CYP46A1: variants seen among roughly 807,000 people sequenced by gnomAD.
The protein encoded by CYP46A1 is cholesterol 24-hydroxylase.
Under a neutral mutation model 63.3 loss-of-function variants are expected in CYP46A1, and 20 were observed. The observed-to-expected ratio is 0.32, with a 90% CI of 0.22 to 0.46. The LOEUF (loss-of-function observed/expected upper bound fraction) is 0.46. Ranked by LOEUF, CYP46A1 falls within the 20% of genes least tolerant of loss-of-function variation. CYP46A1 has a pLI of 1.00. For synonymous variants in CYP46A1, 268 were observed against 273.6 expected, an observed-to-expected ratio of 0.98 and a Z score of 0.20; for missense variants, 445 against 670.8, an observed-to-expected ratio of 0.66 and a Z score of 3.72.
intron 14 of CYP46A1, 92 bp downstream of exon 14, chr14:99,726,348 G>GCT (rs2140145760): frequency 3.1e-6 from 4 of 1,301,776 alleles, no homozygotes; most frequent in Non-Finnish European, 1.1e-6. Flanking sequence ...CCCCTGCTCT[G>GCT]GGGCTGCTGG....
chr14:99,704,036 C>G (rs563857687), intron 5 of CYP46A1, among the ~76,000 whole-genome samples: 1 of 152,310 alleles, frequency 6.6e-6, no homozygotes, highest in East Asian at 1.9e-4. Context: ...CCCACATGAT[C>G]ATGACATAAC....
intron 1 of CYP46A1, among the ~76,000 whole-genome samples, chr14:99,687,997 T>G (rs747689789): frequency 6.6e-6 from 1 of 151,844 alleles, no homozygotes; most frequent in Admixed American, 6.6e-5. Flanking sequence ...TTTTTCCCCT[T>G]TCTTGGTGGG....
chr14:99,695,986 T>C (rs2056584441), intron 3 of CYP46A1, among the ~76,000 whole-genome samples: 1 of 152,176 alleles, frequency 6.6e-6, no homozygotes, highest in South Asian at 2.1e-4. Flanking sequence ...TTCTGTTATA[T>C]TACTTTTAAC....
At chr14:99,687,851 C>T (rs551101452) in intron 1 of CYP46A1, among the ~76,000 whole-genome samples, 1 of 152,290 alleles carries the variant, frequency 6.6e-6, no homozygotes, top group South Asian at 2.1e-4. Context: ...GGGCTTCTGC[C>T]TGCCGGGGCG....
In CYP46A1 at chr14:99,700,021, C is replaced by T. The variant is rs780187016; in HGVS notation, c.363C>T (p.Phe121=). Residue 121 remains phenylalanine, a synonymous_variant, in exon 5 of 15, where the codon TTC becomes TTT. Coordinates refer to ENST00000261835, the MANE Select transcript of CYP46A1 (RefSeq NM_006668.2). ...ACGTGTGTGTCTCCTACAGACTCTTCGGCCAAGGCTTGGTGTCCGAATGCA... is the reference window on the plus strand; with the variant it reads ...ACGTGTGTGTCTCCTACAGACTCTTTGGCCAAGGCTTGGTGTCCGAATGCA... ...ALQTVFGERL[F]GQGLVSECNY... is the part of the protein sequence containing the mutation. 42 of 1,486,628 alleles carry T rather than the reference C, an allele frequency of 2.8e-5. No homozygotes were observed. The highest frequency in any genetic ancestry group is 5.6e-5 in the South Asian group (5 of 88,592). 92.1% of individuals were successfully genotyped at this position (1,486,628 alleles called of 1,614,324 possible). A position where few individuals can be genotyped will look rare whatever the true frequency, so the allele number is the denominator to read the frequency against.
chr14:99,713,274 C>CA (rs61563919), intron 7 of CYP46A1: 47,416 of 151,502 alleles, frequency 0.31, 8,034 homozygotes, highest in South Asian at 0.39. Context: ...ACTAAAAATA[C>CA]AAAAAATTAG....
chr14:99,714,243 A>T (rs2056766165), intron 7 of CYP46A1, among the ~76,000 whole-genome samples: 1 of 152,232 alleles, frequency 6.6e-6, no homozygotes, highest in African/African-American at 2.4e-5. Context: ...GAGGATAGAG[A>T]GAAATGGAAC....
rs762967586 is a variant in CYP46A1 at position 99,715,859 on chromosome 14, G to A, written c.743G>A (p.Arg248His). Residue 248 changes from arginine to histidine, a missense_variant, in exon 8 of 15, where the codon CGC becomes CAC. Arg to His is a conservative substitution (Grantham distance 29, BLOSUM62 0). Around this residue, in one of 4 missense-constraint regions of CYP46A1, gnomAD observed 252 missense variants for 383.3 expected, o/e 0.66. Transcript: ENST00000261835. ...CTCCGGGAGGTCCGGGAGAGCATTC[G>A]CTTCCTGCGCCAGGTGGGCAGGGAC... is the stretch of plus-strand genomic sequence containing the variant. The part of the protein sequence containing the change: ...KQLREVRESI[R>H]FLRQVGRDWV... 2 of 1,614,102 alleles carry A rather than the reference G, an allele frequency of 1.2e-6. No homozygotes were observed. Among genetic ancestry groups the A allele is most frequent in the South Asian group, 1.1e-5 (1 of 91,068 alleles).
intron 9 of CYP46A1, 151 bp downstream of exon 9, chr14:99,716,350 C>A (rs3752958): frequency 0.12 from 93,152 of 748,206 alleles, 6,753 homozygotes; most frequent in East Asian, 0.22. Context: ...GAGCAGAAGC[C>A]CCATCTCCTA....
intron 3 of CYP46A1, chr14:99,695,340 C>T: frequency 6.2e-6 from 2 of 321,902 alleles, no homozygotes; most frequent in Non-Finnish European, 6.1e-6. Context: ...CTTTTAAATC[C>T]TTTCTAATTT....
In CYP46A1 at chr14:99,727,200, G is replaced by A. The variant is rs540697823; in HGVS notation, c.*473G>A. 2.1e-4 allele frequency: 33 copies of A among 158,644 alleles called. No individual in the cohort carries two copies. The highest frequency in any genetic ancestry group is 8.4e-4 in the Admixed American group (13 of 15,432). The allele number at this position is 158,644 out of a possible 1,614,324, so 9.8% of individuals were successfully genotyped here. The stretch of plus-strand genomic sequence containing the variant: ...GACCAATTGCCCTGCCAGGCTGTCA[G>A]CGCCTCAAGGGTAGGGTCTGCGTGT... On this transcript the variant is annotated 3_prime_UTR_variant, in exon 15 of 15. Transcript: ENST00000261835.
intron 10 of CYP46A1, among the ~76,000 whole-genome samples, chr14:99,720,782 G>A (rs997635129): frequency 6.6e-6 from 1 of 152,100 alleles, no homozygotes; most frequent in African/African-American, 2.4e-5. Flanking sequence ...GCCATCGCTG[G>A]ATCTCTTTAA....
intron 1 of CYP46A1, 130 bp downstream of exon 1, chr14:99,684,666 C>T (rs1385611958): frequency 2.7e-6 from 2 of 736,414 alleles, no homozygotes; most frequent in African/African-American, 3.5e-5. Flanking sequence ...GTCGGCGGCC[C>T]CGAGAGGGGC....
intron 12 of CYP46A1, among the ~76,000 whole-genome samples, chr14:99,724,985 C>T (rs1277274656): frequency 6.6e-6 from 1 of 152,196 alleles, no homozygotes; most frequent in Non-Finnish European, 1.5e-5. Context: ...TATAACAGTT[C>T]TCGGGATCTA....
At chr14:99,690,970 A>T in intron 1 of CYP46A1, 111 bp from the exon 2 acceptor site, 2 of 1,017,856 alleles carry the variant, frequency 2.0e-6, no homozygotes, top group Non-Finnish European at 3.1e-6. Flanking sequence ...TAACCTCCCC[A>T]TGCCTCGGTC....
intron 5 of CYP46A1, among the ~76,000 whole-genome samples, chr14:99,705,112 G>A (rs1711018824): frequency 6.6e-6 from 1 of 152,270 alleles, no homozygotes; most frequent in African/African-American, 2.4e-5. Context: ...GGGACCAGAT[G>A]AGAGTGGAGA....
chr14:99,694,295 CTTT>C (rs35121420), intron 3 of CYP46A1, among the ~76,000 whole-genome samples: 38,896 of 137,040 alleles, frequency 0.28, 5,765 homozygotes, highest in South Asian at 0.38. Flanking sequence ...GATTTTCTTT[CTTT>C]TTTTTTTTTT....
chr14:99,695,910 C>T (rs1234387199), intron 3 of CYP46A1, among the ~76,000 whole-genome samples: 4 of 152,122 alleles, frequency 2.6e-5, no homozygotes, highest in Admixed American at 6.5e-5. Flanking sequence ...GGATTACAGG[C>T]GTGAGCCACC....
intron 1 of CYP46A1, 29 bp from the exon 2 acceptor site, chr14:99,691,052 G>A (rs944878547): frequency 1.2e-6 from 2 of 1,608,038 alleles, no homozygotes; most frequent in Non-Finnish European, 1.7e-6. Flanking sequence ...TTGACTGCTG[G>A]TAAGCCTAAT....
Sources: allele counts gnomAD v4.1 joint callset (sites outside exome capture counted in the v4.1 genomes callset), GRCh38; gene constraint gnomAD v4.1.1; regional missense constraint gnomAD v4.1.1; transcripts MANE v1.5; gene names NCBI Gene and HGNC (gene_info 2026-07-23, HGNC 2026-07-21).